Variants in DPYS observed in about 807,000 individuals in gnomAD.
DPYS encodes the protein dihydropyrimidine amidohydrolase.
DPYS carries 39 observed loss-of-function variants against 50.3 expected under a neutral mutation model. The observed-to-expected ratio is 0.78, with a 90% CI of 0.60 to 1.01. The LOEUF (loss-of-function observed/expected upper bound fraction) is 1.01. Ranked by LOEUF, DPYS falls within the 50% of genes least tolerant of loss-of-function variation. DPYS has a pLI of 0.00. For missense variants in DPYS, 659 were observed against 680.9 expected (o/e 0.97, Z 0.36); for synonymous variants, 245 against 250.7 (o/e 0.98, Z 0.22).
At chr8:104,427,239 T>C (rs970248460) in intron 6 of DPYS, among the ~76,000 whole-genome samples, 10 of 148,868 alleles carry the variant, frequency 6.7e-5, no homozygotes, top group African/African-American at 2.0e-4. Context: ...TCAACAAAGA[T>C]TTCATGGAAA....
chr8:104,458,936 C>A (rs1285309064), intron 1 of DPYS, among the ~76,000 whole-genome samples: 3 of 152,200 alleles, frequency 2.0e-5, no homozygotes, highest in African/African-American at 7.2e-5. Flanking sequence ...CAAATACTTT[C>A]TTGACTTCTA....
chr8:104,387,800 G>A (rs1246663898), intron 8 of DPYS, among the ~76,000 whole-genome samples: 1 of 152,172 alleles, frequency 6.6e-6, no homozygotes, highest in African/African-American at 2.4e-5. Context: ...AGAGTACTTA[G>A]AAAGTGTCCT....
At chr8:104,406,704 C>T (rs1352151092) in intron 7 of DPYS, among the ~76,000 whole-genome samples, 2 of 152,202 alleles carry the variant, frequency 1.3e-5, no homozygotes, top group Non-Finnish European at 2.9e-5. Context: ...CAGCATCAGA[C>T]ATGAAGGCAG....
intron 7 of DPYS, among the ~76,000 whole-genome samples, chr8:104,401,157 G>A (rs1000866757): frequency 1.3e-5 from 2 of 152,160 alleles, no homozygotes; most frequent in Non-Finnish European, 2.9e-5. Context: ...AACAAAAAAA[G>A]TTAATAGAAT....
At chr8:104,465,421 A>G (rs1047098997) in intron 1 of DPYS, among the ~76,000 whole-genome samples, 1 of 152,216 alleles carries the variant, frequency 6.6e-6, no homozygotes, top group African/African-American at 2.4e-5. Context: ...GGCCTTTAGT[A>G]TATCAATACA....
At chr8:104,459,427 G>T (rs1022459403) in intron 1 of DPYS, among the ~76,000 whole-genome samples, 1 of 152,134 alleles carries the variant, frequency 6.6e-6, no homozygotes, top group Non-Finnish European at 1.5e-5. Context: ...AAATACCATG[G>T]TTTTCATCTC....
chr8:104,440,213 G>C (rs1205391657), intron 4 of DPYS, among the ~76,000 whole-genome samples: 5 of 152,128 alleles, frequency 3.3e-5, no homozygotes, highest in African/African-American at 1.2e-4. Context: ...TGGATATAGA[G>C]CTGGCAATTG....
At chr8:104,432,543 G>A (rs1431528174) in intron 4 of DPYS, among the ~76,000 whole-genome samples, 3 of 152,142 alleles carry the variant, frequency 2.0e-5, no homozygotes, top group Non-Finnish European at 4.4e-5. Context: ...AATCTTCCTA[G>A]CCAAAAGGAT....
intron 4 of DPYS, among the ~76,000 whole-genome samples, chr8:104,441,896 C>G (rs1208625343): frequency 6.6e-6 from 1 of 152,162 alleles, no homozygotes; most frequent in African/African-American, 2.4e-5. Flanking sequence ...AGGAAAATCT[C>G]TGTATCTAAT....
chr8:104,396,648 A>G (rs1275646457), intron 7 of DPYS, among the ~76,000 whole-genome samples: 1 of 152,196 alleles, frequency 6.6e-6, no homozygotes, highest in Non-Finnish European at 1.5e-5. Flanking sequence ...ATATATATGC[A>G]TGTGGGCAAA....
chr8:104,429,502 T>C, intron 5 of DPYS, 43 bp downstream of exon 5: 1 of 1,613,438 alleles, frequency 6.2e-7, no homozygotes, highest in Non-Finnish European at 8.5e-7. Context: ...TACCCAAACC[T>C]TCTTTTGGCA....
intron 8 of DPYS, among the ~76,000 whole-genome samples, chr8:104,386,361 C>T (rs561258053): frequency 3.1e-4 from 47 of 151,756 alleles, no homozygotes; most frequent in Admixed American, 2.9e-3. Context: ...GGTGAAACCC[C>T]GTCTCTACTA....
chr8:104,407,101 C>T (rs185089975), intron 7 of DPYS, among the ~76,000 whole-genome samples: 18 of 152,318 alleles, frequency 1.2e-4, no homozygotes, highest in African/African-American at 4.1e-4. Context: ...TGCTACTAAA[C>T]CCTATGTGAG....
intron 7 of DPYS, among the ~76,000 whole-genome samples, chr8:104,410,763 T>G (rs1250349626): frequency 6.6e-6 from 1 of 152,218 alleles, no homozygotes; most frequent in Non-Finnish European, 1.5e-5. Flanking sequence ...CTTGGCAGTC[T>G]GACAAGGACA....
chr8:104,392,758 G>T, intron 8 of DPYS, 26 bp downstream of exon 8: 7 of 1,612,418 alleles, frequency 4.3e-6, no homozygotes, highest in Non-Finnish European at 5.9e-6. Context: ...CCGACTTGTG[G>T]CAGTATCCCA....
chr8:104,425,555 G>A (rs949785899), intron 6 of DPYS, among the ~76,000 whole-genome samples: 24 of 151,850 alleles, frequency 1.6e-4, no homozygotes, highest in African/African-American at 4.8e-4. Flanking sequence ...TCGGGAGGCC[G>A]AGGCAATCCA....
intron 1 of DPYS, among the ~76,000 whole-genome samples, chr8:104,456,601 G>A (rs909201394): frequency 3.9e-5 from 6 of 152,204 alleles, no homozygotes; most frequent in Admixed American, 2.0e-4. Context: ...TATTGAATGG[G>A]AAAGGATGGC....
rs1040082729 is a variant in DPYS, at chr8:104,448,928, C to T, written c.424-1425G>A. Among the ~76,000 whole-genome samples the T allele has an allele frequency of 5.3e-5, 8 of 152,162 alleles. No homozygotes were observed. In the East Asian group the frequency reaches 7.7e-4, roughly 15 times the overall value. Reference sequence around the variant, plus strand: ...CAGTCCTTACTTGCTGATCACCTGTCGGCCCCACCAGGATTTCAGCCCCAT... The same window carrying T: ...CAGTCCTTACTTGCTGATCACCTGTTGGCCCCACCAGGATTTCAGCCCCAT... On this transcript the variant is annotated intron_variant, in intron 2 of 9. Transcript: ENST00000351513.
At chr8:104,387,518 T>C (rs1374522107) in intron 8 of DPYS, among the ~76,000 whole-genome samples, 1 of 151,980 alleles carries the variant, frequency 6.6e-6, no homozygotes, top group Non-Finnish European at 1.5e-5. Context: ...GGCTATTTGT[T>C]TGAGTAGGGA....
Sources: gnomAD v4.1 joint callset for allele counts (sites outside exome capture counted in the v4.1 genomes callset) on GRCh38, gnomAD v4.1.1 for gene constraint, MANE v1.5 for transcripts, NCBI Gene and HGNC (gene_info 2026-07-23, HGNC 2026-07-21) for gene names.